Variants in GLI2 observed in about 807,000 individuals in gnomAD.
GLI2 encodes GLI family zinc finger 2.
In GLI2, 22 loss-of-function variants were observed where a neutral mutation model predicts 78.9. The observed-to-expected ratio is 0.28, with a 90% confidence interval of 0.20 to 0.40. GLI2 has a LOEUF of 0.40. GLI2 is among the 10% of genes least tolerant of loss of function. The probability of loss-of-function intolerance (pLI) is 1.00; values close to 1 mark genes in which losing one functional copy is unlikely to be tolerated. For synonymous variants in GLI2, 974 were observed against 963.7 expected (o/e 1.01, Z -0.20); for missense variants, 2,097 against 2,213.2 (o/e 0.95, Z 1.05).
chr2:120,867,246 G>C (rs759156515), intron 2 of GLI2: 7 of 152,242 alleles, frequency 4.6e-5, no homozygotes, highest in Non-Finnish European at 2.9e-5. Context: ...GCCCCTGGAA[G>C]GCATGCCGAC....
intron 2 of GLI2, among the ~76,000 whole-genome samples, chr2:120,907,940 G>A (rs1017299875): frequency 1.3e-5 from 2 of 152,228 alleles, no homozygotes; most frequent in Non-Finnish European, 2.9e-5. Flanking sequence ...GAACGATGCA[G>A]CTGTGATGGG....
chr2:120,855,396 CCAAA>C (rs1159743255), intron 2 of GLI2, among the ~76,000 whole-genome samples: 1 of 152,152 alleles, frequency 6.6e-6, no homozygotes, highest in Non-Finnish European at 1.5e-5. Context: ...TGCTTTTTAC[CCAAA>C]CAGTCTGCAC....
At chr2:120,973,277 G>A (rs150426244) in intron 8 of GLI2, among the ~76,000 whole-genome samples, 6 of 152,336 alleles carry the variant, frequency 3.9e-5, no homozygotes, top group African/African-American at 1.2e-4. Context: ...AATTGATGAG[G>A]ACGGCACATA....
chr2:120,938,112 C>T (rs546196474), intron 3 of GLI2, among the ~76,000 whole-genome samples: 1 of 152,232 alleles, frequency 6.6e-6, no homozygotes, highest in African/African-American at 2.4e-5. Flanking sequence ...AGACAAAGTC[C>T]CCCTGTACTC....
At chr2:120,964,992 G>T (rs1361350652) in intron 5 of GLI2, among the ~76,000 whole-genome samples, 3 of 152,264 alleles carry the variant, frequency 2.0e-5, no homozygotes, top group African/African-American at 7.2e-5. Flanking sequence ...TATCTGGTTT[G>T]CTTGGAGGAT....
In GLI2 at chr2:120,989,449, G is replaced by A. The variant is rs758020307; in HGVS notation, c.3484G>A (p.Ala1162Thr). The A allele has an allele frequency of 2.1e-5, 34 of 1,612,982 alleles. No homozygotes were observed. Among genetic ancestry groups the A allele is most frequent in the Non-Finnish European group, 2.7e-5 (32 of 1,180,010 alleles). Residue 1162 changes from alanine (A) to threonine (T), a missense_variant, in exon 14 of 14, where the codon GCC becomes ACC. By Grantham distance (58) the Ala-to-Thr change is moderately conservative. Around this residue, in one of 5 missense-constraint regions of GLI2, gnomAD observed 1,290 missense variants for 1,261.7 expected, o/e 1.02. Transcript: ENST00000361492. The part of the protein sequence containing the change: ...GNLAVVQQKP[A>T]FGQYPGYSPQ... ...CCTGGCGGTGGTGCAGCAGAAGCCT[G>A]CCTTTGGCCAGTACCCGGGCTACAG...
At chr2:120,947,220 A>G (rs1200687123) in intron 3 of GLI2, among the ~76,000 whole-genome samples, 1 of 152,202 alleles carries the variant, frequency 6.6e-6, no homozygotes, top group Non-Finnish European at 1.5e-5. Flanking sequence ...CTGCCAGGGC[A>G]CAGGCAGGGG....
At chr2:120,907,203 T>A (rs1678576319) in intron 2 of GLI2, among the ~76,000 whole-genome samples, 1 of 152,152 alleles carries the variant, frequency 6.6e-6, no homozygotes, top group Admixed American at 6.5e-5. Flanking sequence ...CTGCTCCTCA[T>A]CCCTGTGCCT....
intron 5 of GLI2, among the ~76,000 whole-genome samples, chr2:120,967,249 A>C (rs762114286): frequency 6.6e-6 from 1 of 152,244 alleles, no homozygotes; most frequent in Non-Finnish European, 1.5e-5. Flanking sequence ...AGTCAAGGAC[A>C]GGCCCAAGCA....
chr2:120,768,645 T>G (rs1209530029), intron 1 of GLI2, among the ~76,000 whole-genome samples: 1 of 151,842 alleles, frequency 6.6e-6, no homozygotes, highest in East Asian at 1.9e-4. Flanking sequence ...TCACAGGGAG[T>G]CTCAAAGATG....
chr2:120,937,233 C>T (rs1391710742), intron 3 of GLI2, among the ~76,000 whole-genome samples: 1 of 152,190 alleles, frequency 6.6e-6, no homozygotes, highest in African/African-American at 2.4e-5. Flanking sequence ...CAAGGAGGCA[C>T]AGTCTTTTTT....
At position 120,746,850 on chromosome 2, in the gene GLI2, G is replaced by A. The variant is rs1034371732; in HGVS notation, c.-31+10565G>A. On this transcript the variant is annotated intron_variant, in intron 1 of 13. Transcript: ENST00000361492. Reference sequence around the variant, plus strand: ...GCTCTATCCTTTCTTACAAAATTGAGGTTACATTAATACAGTCTTGTAACT... The same window carrying A: ...GCTCTATCCTTTCTTACAAAATTGAAGTTACATTAATACAGTCTTGTAACT... Among the ~76,000 whole-genome samples, 8 of 151,980 alleles carry A rather than the reference G, an allele frequency of 5.3e-5. No individual in the cohort carries two copies. In the South Asian group the frequency reaches 1.7e-3, roughly 32 times the overall value.
At chr2:120,915,043 TG>T (rs1364871487) in intron 2 of GLI2, among the ~76,000 whole-genome samples, 1 of 152,222 alleles carries the variant, frequency 6.6e-6, no homozygotes, top group Non-Finnish European at 1.5e-5. Context: ...CCCGTGGCGT[TG>T]GCTGGAGCAC....
chr2:120,753,495 T>C (rs1046618274), intron 1 of GLI2, among the ~76,000 whole-genome samples: 2 of 152,256 alleles, frequency 1.3e-5, no homozygotes, highest in African/African-American at 4.8e-5. Context: ...TTAAATACTT[T>C]ATTTTATGTT....
At position 120,797,567 on chromosome 2, in the gene GLI2, G is replaced by A. The variant is rs527434657; in HGVS notation, c.148+99G>A. The A allele has an allele frequency of 1.1e-3, 1,278 of 1,212,180 alleles. 14 individuals carry two copies. Among genetic ancestry groups the A allele is most frequent in the Non-Finnish European group, 1.4e-4 (119 of 831,770 alleles). 75.1% of individuals were successfully genotyped at this position (1,212,180 alleles called of 1,614,324 possible). A position where few individuals can be genotyped will look rare whatever the true frequency, so the allele number is the denominator to read the frequency against. ...GTGGCCCATGTCGTCAGGGAGGCATGCTGGGTTTATGGAGGGCGAAGAGGA... is the reference window on the plus strand; with the variant it reads ...GTGGCCCATGTCGTCAGGGAGGCATACTGGGTTTATGGAGGGCGAAGAGGA... On this transcript the variant is annotated intron_variant, in intron 2 of 13. Coordinates refer to ENST00000361492, the MANE Select transcript of GLI2 (RefSeq NM_001374353.1).
chr2:120,938,025 C>T (rs896667832), intron 3 of GLI2, among the ~76,000 whole-genome samples: 3 of 152,212 alleles, frequency 2.0e-5, no homozygotes, highest in African/African-American at 7.2e-5. Context: ...TTTCCTTATT[C>T]CCGCCCATGG....
intron 2 of GLI2, among the ~76,000 whole-genome samples, chr2:120,909,297 C>T (rs928503407): frequency 3.3e-5 from 5 of 152,038 alleles, no homozygotes; most frequent in African/African-American, 9.7e-5. Context: ...TCAAATGTGG[C>T]CCTACTGTCT....
intron 2 of GLI2, among the ~76,000 whole-genome samples, chr2:120,857,124 T>A (rs1399873637): frequency 6.6e-6 from 1 of 152,054 alleles, no homozygotes; most frequent in Non-Finnish European, 1.5e-5. Context: ...GGGCTGTGGA[T>A]CTTAACCTCT....
intron 2 of GLI2, among the ~76,000 whole-genome samples, chr2:120,809,161 G>C (rs1225585136): frequency 6.6e-6 from 1 of 152,222 alleles, no homozygotes; most frequent in African/African-American, 2.4e-5. Context: ...TGGTATGTAT[G>C]TACAATGGAA....
Sources: allele counts gnomAD v4.1 joint callset (sites outside exome capture counted in the v4.1 genomes callset), GRCh38; gene constraint gnomAD v4.1.1; regional missense constraint gnomAD v4.1.1; transcripts MANE v1.5; gene names NCBI Gene and HGNC (gene_info 2026-07-23, HGNC 2026-07-21).